The following LRRN2 variants were observed in gnomAD, a reference collection of about 807,000 sequenced individuals.
The protein encoded by LRRN2 is leucine-rich repeat neuronal protein 2.
In LRRN2, 10 loss-of-function variants were observed where a neutral mutation model predicts 35.7. The observed-to-expected ratio is 0.28, with a 90% CI of 0.17 to 0.47. The LOEUF (loss-of-function observed/expected upper bound fraction) is 0.47. Ranked by LOEUF, LRRN2 falls within the 20% of genes least tolerant of loss-of-function variation. The pLI, the probability that LRRN2 is intolerant of heterozygous loss-of-function variation, is 0.99. For synonymous variants in LRRN2, 391 were observed against 409.6 expected (o/e 0.95, Z 0.55); for missense variants, 731 against 940.3 (o/e 0.78, Z 2.91).
At chr1:204,654,361 T>G (rs1319818726) in intron 1 of LRRN2, among the ~76,000 whole-genome samples, 3 of 152,236 alleles carry the variant, frequency 2.0e-5, no homozygotes, top group Non-Finnish European at 4.4e-5. Context: ...TTAATCTTAA[T>G]GAAAATCAGA....
chr1:204,654,765 G>A (rs781060772), intron 1 of LRRN2, among the ~76,000 whole-genome samples: 1 of 152,208 alleles, frequency 6.6e-6, no homozygotes, highest in Non-Finnish European at 1.5e-5. Flanking sequence ...GCTTGCCCCA[G>A]TCCATGAGAG....
intron 1 of LRRN2, among the ~76,000 whole-genome samples, chr1:204,641,005 G>GAAAAA (rs58950375): frequency 7.0e-6 from 1 of 141,954 alleles, no homozygotes; most frequent in Non-Finnish European, 1.5e-5. Context: ...GGTTAAAAAA[G>GAAAAA]AAAAAAAAAA....
At chr1:204,636,553 T>C (rs188951211) in intron 1 of LRRN2, among the ~76,000 whole-genome samples, 3 of 152,100 alleles carry the variant, frequency 2.0e-5, no homozygotes, top group East Asian at 3.9e-4. Flanking sequence ...CTGGGCAACA[T>C]AGTGATCTGA....
chr1:204,624,746 TCCCC>T (rs71147707), intron 1 of LRRN2, among the ~76,000 whole-genome samples: 1 of 87,456 alleles, frequency 1.1e-5, no homozygotes, highest in Non-Finnish European at 2.4e-5. Context: ...CCCTGGCGGT[TCCCC>T]CCCCACCCCC....
chr1:204,655,320 C>T (rs1668324153), intron 1 of LRRN2, among the ~76,000 whole-genome samples: 1 of 152,202 alleles, frequency 6.6e-6, no homozygotes, highest in South Asian at 2.1e-4. Flanking sequence ...CAGGGTCTTG[C>T]TCTGTCACCC....
At chr1:204,680,680 G>A (rs1419424597) in intron 1 of LRRN2, among the ~76,000 whole-genome samples, 1 of 152,228 alleles carries the variant, frequency 6.6e-6, no homozygotes, top group Non-Finnish European at 1.5e-5. Context: ...GGAATGTTCT[G>A]GGCGACCAGC....
chr1:204,684,242 C>T (rs1464911532), intron 1 of LRRN2, among the ~76,000 whole-genome samples: 1 of 152,136 alleles, frequency 6.6e-6, no homozygotes, highest in East Asian at 1.9e-4. Context: ...AGTTCTCAAG[C>T]AGAGGGCCTG....
intron 1 of LRRN2, among the ~76,000 whole-genome samples, chr1:204,634,056 G>A (rs1158271314): frequency 3.3e-5 from 5 of 152,234 alleles, no homozygotes; most frequent in Non-Finnish European, 1.5e-5. Flanking sequence ...TTCAATGACT[G>A]CGGCAAGTAC....
chr1:204,629,294 A>G (rs540100098), intron 1 of LRRN2: 2 of 152,304 alleles, frequency 1.3e-5, no homozygotes, highest in South Asian at 4.2e-4. Flanking sequence ...TTTATGCTGC[A>G]CCCCTATGTG....
At chr1:204,680,664 CAT>C (rs1426430926) in intron 1 of LRRN2, among the ~76,000 whole-genome samples, 2 of 152,200 alleles carry the variant, frequency 1.3e-5, no homozygotes, top group Admixed American at 6.5e-5. Context: ...TGCACCAAGA[CAT>C]GTGGGAATGT....
intron 1 of LRRN2, among the ~76,000 whole-genome samples, chr1:204,683,609 C>CG (rs1377629326): frequency 1.3e-5 from 2 of 152,084 alleles, no homozygotes; most frequent in Non-Finnish European, 2.9e-5. Flanking sequence ...GGTGTTTCCC[C>CG]GGGAGGAGAC....
intron 1 of LRRN2, among the ~76,000 whole-genome samples, chr1:204,684,747 G>C (rs1385908947): frequency 1.3e-5 from 2 of 152,054 alleles, no homozygotes; most frequent in Admixed American, 6.5e-5. Flanking sequence ...GGCTGCGGTC[G>C]GACCCCAGCC....
intron 1 of LRRN2, among the ~76,000 whole-genome samples, chr1:204,683,745 C>T (rs1261887493): frequency 6.6e-6 from 1 of 152,134 alleles, no homozygotes; most frequent in African/African-American, 2.4e-5. Context: ...CATCCCAGGA[C>T]CAGAGAGAGC....
intron 1 of LRRN2, among the ~76,000 whole-genome samples, chr1:204,636,844 A>T (rs993004213): frequency 6.6e-6 from 1 of 152,226 alleles, no homozygotes; most frequent in African/African-American, 2.4e-5. Flanking sequence ...TAGGGTCCAC[A>T]CACGGTGTTA....
At chr1:204,653,004 T>A (rs572045900) in intron 1 of LRRN2, among the ~76,000 whole-genome samples, 1 of 152,294 alleles carries the variant, frequency 6.6e-6, no homozygotes, top group Admixed American at 6.5e-5. Context: ...GGTGAGTTGG[T>A]CCTCAGGTCA....
intron 1 of LRRN2, among the ~76,000 whole-genome samples, chr1:204,659,805 G>C (rs1328958307): frequency 6.6e-6 from 1 of 152,116 alleles, no homozygotes; most frequent in African/African-American, 2.4e-5. Flanking sequence ...TACTAAAACT[G>C]TATTTAGCTT....
In LRRN2 at chr1:204,618,631, C is replaced by CTCGGGT; in HGVS notation, c.1356_1361dup (p.Pro453_Glu454dup). 6.2e-7 allele frequency: 1 copy of CTCGGGT among 1,612,502 alleles called. No homozygotes were observed. The highest frequency in any genetic ancestry group is 8.5e-7 in the Non-Finnish European group (1 of 1,179,154). On this transcript the variant is annotated inframe_insertion, in exon 2 of 2. Transcript: ENST00000367177. Reference sequence around the variant, plus strand: ...GCCCAGCTGGAGTGACCCAGTAGATCTCGGGTTCGGGTTCGGCCAGTGCCC... The same window carrying CTCGGGT: ...GCCCAGCTGGAGTGACCCAGTAGATCTCGGGTTCGGGTTCGGGTTCGGCCAGTGCCC...
chr1:204,639,112 C>T (rs1322625155), intron 1 of LRRN2, among the ~76,000 whole-genome samples: 10 of 152,232 alleles, frequency 6.6e-5, no homozygotes, highest in Non-Finnish European at 1.5e-4. Flanking sequence ...CTCTCAACCT[C>T]CCTAGCTGGT....
intron 1 of LRRN2, among the ~76,000 whole-genome samples, chr1:204,636,472 G>A (rs977596049): frequency 1.2e-3 from 178 of 152,042 alleles, no homozygotes; most frequent in African/African-American, 4.0e-3. Context: ...ACAGTGGCTC[G>A]TGCCCGTAAT....
Sources: allele counts gnomAD v4.1 joint callset (sites outside exome capture counted in the v4.1 genomes callset), GRCh38; gene constraint gnomAD v4.1.1; transcripts MANE v1.5; gene names NCBI Gene and HGNC (gene_info 2026-07-23, HGNC 2026-07-21).